Variants in PAK6 observed in about 807,000 individuals in gnomAD.
PAK6 encodes the protein serine/threonine-protein kinase PAK 6.
A neutral mutation model predicts 60.8 loss-of-function variants in PAK6; 33 were observed. The observed-to-expected ratio is 0.54, with a 90% CI of 0.41 to 0.73. PAK6 has a LOEUF of 0.73. PAK6 is among the 30% of genes least tolerant of loss of function. PAK6 has a pLI of 0.00. For missense variants in PAK6, 845 were observed against 904.1 expected (o/e 0.93, Z 0.84); for synonymous variants, 404 against 378.5 (o/e 1.07, Z -0.78).
At chr15:40,253,852 A>G (rs1305209848) in intron 3 of PAK6, among the ~76,000 whole-genome samples, 2 of 152,146 alleles carry the variant, frequency 1.3e-5, no homozygotes, top group Non-Finnish European at 1.5e-5. Context: ...CCCAGGGTGT[A>G]GGTTGCGTTT....
intron 3 of PAK6, chr15:40,259,979 T>C (rs1270337891): frequency 1.3e-5 from 2 of 152,054 alleles, no homozygotes; most frequent in African/African-American, 4.8e-5. Context: ...ATTGACAAAT[T>C]ACCATTGGCA....
chr15:40,240,383 A>G lies in PAK6; in HGVS notation c.-200-216A>G, dbSNP rs900055. 0.47 allele frequency: 159,311 copies of G among 337,462 alleles called. 41,090 individuals carry two copies. The highest frequency in any genetic ancestry group is 0.72 in the East Asian group (8,552 of 11,926). The allele number at this position is 337,462 out of a possible 1,614,324, so 20.9% of individuals were successfully genotyped here. ...CCCTGGTCCCCACAGGGCATGCCCCAGTGTGTGTCAGGAGGAGGGGGGAGG... is the reference window on the plus strand; with the variant it reads ...CCCTGGTCCCCACAGGGCATGCCCCGGTGTGTGTCAGGAGGAGGGGGGAGG... On this transcript the variant is annotated intron_variant, in intron 1 of 10. Transcript: ENST00000560346.
chr15:40,274,691 C>T (rs1294983332), intron 10 of PAK6, among the ~76,000 whole-genome samples: 2 of 152,260 alleles, frequency 1.3e-5, no homozygotes, highest in South Asian at 4.1e-4. Context: ...ATGTCCCTGT[C>T]CATCACGGCG....
intron 2 of PAK6, among the ~76,000 whole-genome samples, chr15:40,241,732 C>T (rs1416228638): frequency 6.6e-6 from 1 of 152,168 alleles, no homozygotes; most frequent in African/African-American, 2.4e-5. Flanking sequence ...GTGCTCTGGG[C>T]CCTCCCGGAC....
upstream of PAK6, chr15:40,239,225 T>C (rs1213970093): frequency 1.3e-5 from 2 of 152,146 alleles, no homozygotes; most frequent in Admixed American, 1.3e-4. Flanking sequence ...CGGCCTCGCC[T>C]GCCAGGCAGC....
At chr15:40,253,772 C>A (rs2038758027) in intron 3 of PAK6, among the ~76,000 whole-genome samples, 3 of 152,224 alleles carry the variant, frequency 2.0e-5, no homozygotes, top group Admixed American at 1.3e-4. Flanking sequence ...ATCTCCAGAC[C>A]TGCTCAGGTG....
chr15:40,257,620 G>C (rs1282466737), intron 3 of PAK6, among the ~76,000 whole-genome samples: 4 of 152,268 alleles, frequency 2.6e-5, no homozygotes, highest in Admixed American at 2.6e-4. Flanking sequence ...TTCCCAAGTG[G>C]TCTGTCTCGC....
chr15:40,246,342 C>T (rs925212097), intron 2 of PAK6: 2 of 152,256 alleles, frequency 1.3e-5, no homozygotes, highest in African/African-American at 4.8e-5. Context: ...GGTCAGTTCC[C>T]AGAAGCAGGA....
chr15:40,254,794 C>T (rs948264139), intron 3 of PAK6, among the ~76,000 whole-genome samples: 1 of 152,198 alleles, frequency 6.6e-6, no homozygotes, highest in Non-Finnish European at 1.5e-5. Context: ...TAAAACAGAG[C>T]TCGCAGTAGC....
chr15:40,276,602 C>G (rs1226434653), exon 11 of PAK6: 2 of 153,638 alleles, frequency 1.3e-5, no homozygotes, highest in African/African-American at 4.8e-5. Flanking sequence ...GCAGTCCCAC[C>G]TGTACAGCCC....
At chr15:40,269,868 C>T (rs1369487573) in intron 5 of PAK6, among the ~76,000 whole-genome samples, 1 of 152,248 alleles carries the variant, frequency 6.6e-6, no homozygotes, top group Non-Finnish European at 1.5e-5. Context: ...GAAGAAACCC[C>T]TACCTCAGCC....
exon 5 of PAK6, chr15:40,266,339 G>A (rs1244094667): frequency 6.2e-7 from 1 of 1,612,388 alleles, no homozygotes; most frequent in Admixed American, 1.7e-5. Context: ...CCTGCCTGGT[G>A]GGCTCAGCCA....
intron 2 of PAK6, among the ~76,000 whole-genome samples, chr15:40,248,684 G>C (rs140332782): frequency 6.6e-6 from 1 of 152,212 alleles, no homozygotes; most frequent in Admixed American, 6.5e-5. Context: ...GTGCCATGTG[G>C]GGGTCCTCGC....
chr15:40,244,172 A>G (rs2038433834), intron 2 of PAK6, among the ~76,000 whole-genome samples: 1 of 151,990 alleles, frequency 6.6e-6, no homozygotes. Flanking sequence ...CTACTAAAAA[A>G]TACAAAAAAT....
Position 40,273,332 on chromosome 15 carries a change from A to C in PAK6, c.1491-14A>C. On this transcript the variant is annotated splice_polypyrimidine_tract_variant and intron_variant, in intron 7 of 10. Coordinates refer to ENST00000560346, the Ensembl canonical transcript of PAK6. ...ACGTTCTCTTTCATCGGGTGGCCCC[A>C]CCTTCCTGTCCAGGCTGAATGAGGA... The C allele has an allele frequency of 6.2e-7, 1 of 1,612,102 alleles. No individual in the cohort carries two copies. The highest frequency in any genetic ancestry group is 8.5e-7 in the Non-Finnish European group (1 of 1,178,994).
At chr15:40,276,964 G>A (rs1262824376) in exon 11 of PAK6, 3 of 152,192 alleles carry the variant, frequency 2.0e-5, no homozygotes, top group Admixed American at 2.0e-4. Context: ...TCCATGCTAA[G>A]TCTAACACTC....
At chr15:40,263,359 A>G (rs1377167939) in intron 3 of PAK6, among the ~76,000 whole-genome samples, 1 of 152,212 alleles carries the variant, frequency 6.6e-6, no homozygotes, top group African/African-American at 2.4e-5. Context: ...CTTCAGATCC[A>G]AAAGCATTCA....
chr15:40,263,913 G>A (rs533944769), intron 3 of PAK6: 164 of 455,994 alleles, frequency 3.6e-4, no homozygotes, highest in Non-Finnish European at 6.1e-4. Context: ...CACCATGCCC[G>A]GCCCAGGTGA....
chr15:40,265,840 A>G lies in PAK6; in HGVS notation c.205-2A>G. ...ACACACTCTTTTCTCTTCCCCCTAC[A>G]GACAGTGGTGCGGGGCAGCGCGATG... On this transcript the variant is annotated splice_acceptor_variant, in intron 4 of 10. Coordinates refer to ENST00000560346, the Ensembl canonical transcript of PAK6. LOFTEE classifies it high-confidence loss of function. The G allele has an allele frequency of 6.6e-7, 1 of 1,516,484 alleles. No individual in the cohort carries two copies. 93.9% of individuals were successfully genotyped at this position (1,516,484 alleles called of 1,614,324 possible).
Sources: gnomAD v4.1 joint callset for allele counts (sites outside exome capture counted in the v4.1 genomes callset) on GRCh38, gnomAD v4.1.1 for gene constraint, MANE v1.5 for transcripts, NCBI Gene and HGNC (gene_info 2026-07-23, HGNC 2026-07-21) for gene names.